Variants in IRAG2 observed in about 807,000 individuals in gnomAD.
IRAG2 encodes the protein inositol 1,4,5-triphosphate receptor associated 2.
Under a neutral mutation model 69.9 loss-of-function variants are expected in IRAG2, and 45 were observed. That is an observed-to-expected ratio of 0.64 (90% CI 0.51 to 0.83). The LOEUF is 0.83. IRAG2 is among the 40% of genes least tolerant of loss of function. The pLI is 0.00. For missense variants in IRAG2, 520 were observed against 587.0 expected (o/e 0.89, Z 1.18); for synonymous variants, 193 against 202.4 (o/e 0.95, Z 0.40).
chr12:25,026,811 T>C (rs902206430), exon 9 of IRAG2: 17 of 1,228,488 alleles, frequency 1.4e-5, no homozygotes, highest in Non-Finnish European at 1.7e-5. Context: ...ATCATGGATA[T>C]AGACAGACTG....
At chr12:25,054,626 A>AT (rs1208938941) in intron 1 of IRAG2, among the ~76,000 whole-genome samples, 1 of 152,222 alleles carries the variant, frequency 6.6e-6, no homozygotes, top group East Asian at 1.9e-4. Context: ...TGATACGTGT[A>AT]TTTTTTTCTG....
At chr12:25,049,211 T>C (rs1944820940), upstream of IRAG2, among the ~76,000 whole-genome samples, 1 of 152,242 alleles carries the variant, frequency 6.6e-6, no homozygotes, top group Non-Finnish European at 1.5e-5. Flanking sequence ...TTCTTAGGAT[T>C]GTCTTGGCTA....
intron 2 of IRAG2, among the ~76,000 whole-genome samples, chr12:25,008,864 C>G (rs1032981388): frequency 5.3e-5 from 8 of 152,098 alleles, no homozygotes; most frequent in Admixed American, 2.0e-4. Context: ...AGAATGTTTT[C>G]AAACTTGTTT....
rs769439544 is a variant in IRAG2 at position 25,104,362 on chromosome 12, C to T, written c.1048C>T (p.Arg350Cys). The T allele has an allele frequency of 1.1e-5, 18 of 1,590,998 alleles. 1 individual carries two copies. The highest frequency in any genetic ancestry group is 3.3e-5 in the South Asian group (3 of 90,586). The stretch of plus-strand genomic sequence containing the variant: ...GTGGCTATAATCATCTTTATTTAGG[C>T]GTATTTTGGGGTCAAAGCAGAGTGA... ...DRFSRRSSSW[R>C]ILGSKQSEHR... Residue 350 changes from arginine to cysteine, a missense_variant and splice_region_variant, in exon 20 of 22, where the codon CGT becomes TGT. Transcript: ENST00000556887.
intron 17 of IRAG2, chr12:25,103,368 G>C (rs1415669102): frequency 6.4e-6 from 1 of 155,262 alleles, no homozygotes; most frequent in African/African-American, 2.4e-5. Flanking sequence ...ATCTTTCTAA[G>C]CACAGAAGCA....
At chr12:25,030,568 G>A (rs1384538521) in intron 10 of IRAG2, among the ~76,000 whole-genome samples, 1 of 152,090 alleles carries the variant, frequency 6.6e-6, no homozygotes, top group Non-Finnish European at 1.5e-5. Flanking sequence ...TGTATTTTTA[G>A]TAGAGACGGG....
intron 1 of IRAG2, among the ~76,000 whole-genome samples, chr12:25,055,762 A>G (rs566910689): frequency 3.5e-4 from 53 of 152,312 alleles, no homozygotes; most frequent in South Asian, 2.1e-3. Flanking sequence ...AGCTTCATCC[A>G]TGTCGCTACA....
intron 14 of IRAG2, among the ~76,000 whole-genome samples, chr12:25,092,237 T>A (rs1200028225): frequency 6.6e-6 from 1 of 151,596 alleles, no homozygotes; most frequent in African/African-American, 2.4e-5. Context: ...CCATCTCTAC[T>A]AAAAATACAA....
At chr12:25,098,158 A>G (rs1180260795) in intron 15 of IRAG2, among the ~76,000 whole-genome samples, 1 of 152,150 alleles carries the variant, frequency 6.6e-6, no homozygotes, top group Non-Finnish European at 1.5e-5. Context: ...TGGCGAATCT[A>G]CAAGTAAATC....
chr12:25,086,744 T>C (rs547502661), intron 10 of IRAG2, among the ~76,000 whole-genome samples: 2 of 152,288 alleles, frequency 1.3e-5, no homozygotes, highest in South Asian at 2.1e-4. Context: ...TTAGATGCTA[T>C]AGTAAGGTCA....
At chr12:25,070,303 C>T (rs1946256370) in intron 6 of IRAG2, among the ~76,000 whole-genome samples, 1 of 152,174 alleles carries the variant, frequency 6.6e-6, no homozygotes, top group Non-Finnish European at 1.5e-5. Flanking sequence ...TGGAGGCAAC[C>T]ACTAATCTAC....
rs866509 is a variant in IRAG2 at position 25,023,276 on chromosome 12, T to C, written c.1333-595T>C. Among the ~76,000 whole-genome samples the C allele has an allele frequency of 6.6e-3, 1,010 of 152,316 alleles. 14 individuals are homozygous for C. Among genetic ancestry groups the C allele is most frequent in the African/African-American group, 0.023 (963 of 41,574 alleles). On this transcript the variant is annotated intron_variant, in intron 7 of 38. Transcript: ENST00000636465. The stretch of plus-strand genomic sequence containing the variant: ...TTCTTTCATTTTTATATTATAAAGG[T>C]AATACCTATTTACTTTATAAAAATA...
At chr12:25,069,775 C>T (rs1472309293) in intron 6 of IRAG2, among the ~76,000 whole-genome samples, 2 of 152,230 alleles carry the variant, frequency 1.3e-5, no homozygotes, top group African/African-American at 4.8e-5. Context: ...GCCTCAGATC[C>T]CATTGATTCT....
At chr12:25,091,951 G>GA (rs1192089072) in intron 14 of IRAG2, among the ~76,000 whole-genome samples, 4 of 152,042 alleles carry the variant, frequency 2.6e-5, no homozygotes, top group African/African-American at 7.2e-5. Context: ...TTTCTTTGCA[G>GA]AAAAAAATTT....
intron 3 of IRAG2, among the ~76,000 whole-genome samples, chr12:25,063,506 T>C (rs771017481): frequency 2.6e-5 from 4 of 152,254 alleles, no homozygotes; most frequent in Non-Finnish European, 5.9e-5. Flanking sequence ...AAATTGTGAC[T>C]TTTAAATAAG....
At chr12:25,080,622 G>A (rs1326611522) in intron 9 of IRAG2, among the ~76,000 whole-genome samples, 2 of 152,102 alleles carry the variant, frequency 1.3e-5, no homozygotes, top group African/African-American at 4.8e-5. Context: ...AAAATGTTGG[G>A]ATTACAGGTG....
chr12:25,039,870 A>C (rs1337074811), intron 16 of IRAG2, among the ~76,000 whole-genome samples: 1 of 152,198 alleles, frequency 6.6e-6, no homozygotes, highest in African/African-American at 2.4e-5. Flanking sequence ...ATTTGTCTAG[A>C]GGCTACTGTG....
At chr12:25,021,236 T>C (rs572142543) in intron 7 of IRAG2, among the ~76,000 whole-genome samples, 2 of 151,866 alleles carry the variant, frequency 1.3e-5, no homozygotes, top group Non-Finnish European at 2.9e-5. Flanking sequence ...TCCCAAAGTG[T>C]TGGGATTATA....
rs1944453363 is a variant in IRAG2 at position 25,008,985 on chromosome 12, TG to T, written c.689-2357del. On this transcript the variant is annotated intron_variant, in intron 2 of 38. Coordinates refer to the IRAG2 transcript ENST00000636465. The stretch of plus-strand genomic sequence containing the variant: ...ACATGTTTAACCAATCCATGTCAAT[TG>T]GATATTAATTTTTTCTGCTTTAAAA... 1.3e-5 allele frequency among the ~76,000 whole-genome samples: 2 copies of T among 152,162 alleles called. 1 individual carries two copies. Among genetic ancestry groups the T allele is most frequent in the South Asian group, 4.1e-4 (2 of 4,834 alleles).
Sources: allele counts gnomAD v4.1 joint callset (sites outside exome capture counted in the v4.1 genomes callset), GRCh38; gene constraint gnomAD v4.1.1; transcripts MANE v1.5; gene names NCBI Gene and HGNC (gene_info 2026-07-23, HGNC 2026-07-21).